CYTH3: variants seen among roughly 807,000 people sequenced by gnomAD.
CYTH3 encodes cytohesin 3.
In CYTH3, 23 loss-of-function variants were observed where a neutral mutation model predicts 55.1. The observed-to-expected ratio is 0.42, with a 90% CI of 0.30 to 0.59. The LOEUF (loss-of-function observed/expected upper bound fraction) is 0.59. Ranked by LOEUF, CYTH3 falls within the 20% of genes least tolerant of loss-of-function variation. The probability of loss-of-function intolerance (pLI) is 0.20; values close to 1 mark genes in which losing one functional copy is unlikely to be tolerated. For synonymous variants in CYTH3, 249 were observed against 194.9 expected (o/e 1.28, Z -2.31); for missense variants, 413 against 524.8 (o/e 0.79, Z 2.08).
intron 1 of CYTH3, among the ~76,000 whole-genome samples, chr7:6,232,398 C>A (rs1779409416): frequency 6.6e-6 from 1 of 152,160 alleles, no homozygotes; most frequent in African/African-American, 2.4e-5. Context: ...TTATTCTTCT[C>A]CCAACTGCTA....
chr7:6,236,026 A>G (rs932025699), intron 1 of CYTH3, among the ~76,000 whole-genome samples: 6 of 152,174 alleles, frequency 3.9e-5, no homozygotes, highest in Non-Finnish European at 5.9e-5. Context: ...GAAGTCACAC[A>G]TGCATATCCC....
chr7:6,195,295 CTATT>C (rs1368770253), intron 1 of CYTH3, among the ~76,000 whole-genome samples: 1 of 152,106 alleles, frequency 6.6e-6, no homozygotes, highest in African/African-American at 2.4e-5. Flanking sequence ...CAAAAAGACA[CTATT>C]TTCTTCAGGT....
At chr7:6,248,238 C>T (rs1470382407) in intron 1 of CYTH3, among the ~76,000 whole-genome samples, 2 of 150,076 alleles carry the variant, frequency 1.3e-5, no homozygotes, top group South Asian at 2.1e-4. Flanking sequence ...CCCCCAACCC[C>T]CCCCCAGCCA....
At position 6,170,514 on chromosome 7, in the gene CYTH3, C is replaced by T; in HGVS notation, c.823+21G>A. 3.1e-6 allele frequency: 5 copies of T among 1,610,198 alleles called. No homozygotes were observed. Among genetic ancestry groups the T allele is most frequent in the Admixed American group, 1.7e-5 (1 of 59,726 alleles). ...ATGGGCAGAGGGGTCACGCCCGGGT[C>T]CCGCTGGGCCGGCGGCTCACCCAGC... On this transcript the variant is annotated intron_variant, in intron 9 of 12. Transcript: ENST00000350796. The surrounding 1 kb of genome is among the most constrained non-coding windows in gnomAD (Gnocchi z 7.8).
chr7:6,203,600 G>C (rs1784111548), intron 1 of CYTH3, among the ~76,000 whole-genome samples: 1 of 152,186 alleles, frequency 6.6e-6, no homozygotes, highest in South Asian at 2.1e-4. Flanking sequence ...GCCTTCGATG[G>C]TGACAGCACT....
At chr7:6,236,341 C>G (rs1313203257) in intron 1 of CYTH3, among the ~76,000 whole-genome samples, 1 of 147,252 alleles carries the variant, frequency 6.8e-6, no homozygotes, top group Non-Finnish European at 1.5e-5. Flanking sequence ...GTAGCTGGGA[C>G]TACAGGCGCA....
intron 1 of CYTH3, among the ~76,000 whole-genome samples, chr7:6,204,774 G>A (rs1784145942): frequency 6.6e-6 from 1 of 152,216 alleles, no homozygotes; most frequent in East Asian, 1.9e-4. Flanking sequence ...TACTTAGAGT[G>A]CTCTATGTTT....
intron 1 of CYTH3, among the ~76,000 whole-genome samples, chr7:6,214,421 T>A (rs1784385091): frequency 6.6e-6 from 1 of 152,250 alleles, no homozygotes; most frequent in Non-Finnish European, 1.5e-5. Flanking sequence ...ATTTTGTGTA[T>A]AAGGAATGCT....
At chr7:6,172,332 T>C (rs1783222175) in intron 6 of CYTH3, among the ~76,000 whole-genome samples, 1 of 151,966 alleles carries the variant, frequency 6.6e-6, no homozygotes, top group Admixed American at 6.6e-5. Context: ...AGGCCCCTTC[T>C]TCTCCGCCAG....
intron 1 of CYTH3, among the ~76,000 whole-genome samples, chr7:6,225,417 G>A (rs1011349640): frequency 3.4e-5 from 5 of 149,166 alleles, no homozygotes; most frequent in East Asian, 2.0e-4. Context: ...GCAATGGCAC[G>A]ATCTCGGCTC....
chr7:6,268,073 C>G (rs7810779), intron 1 of CYTH3, among the ~76,000 whole-genome samples: 9,066 of 152,184 alleles, frequency 0.06, 591 homozygotes, highest in East Asian at 0.31. Context: ...CTCCTTTCAC[C>G]TTCCAGGGAA....
At position 6,185,699 on chromosome 7, in the gene CYTH3, CAA is replaced by C. The variant is rs34943703; in HGVS notation, c.249+1349_249+1350del. Among the ~76,000 whole-genome samples the C allele has an allele frequency of 5.1e-4, 65 of 127,378 alleles. 1 individual carries two copies. Among genetic ancestry groups the C allele is most frequent in the African/African-American group, 1.0e-3 (38 of 36,310 alleles). The allele number at this position is 127,378 out of a possible 152,430, so 83.6% of individuals were successfully genotyped here. ...TGGGCAACAGAGTTAGACTCTGTCTCAAAAAAAAAAAAAAAAATTATCTGGGT... is the reference window on the plus strand; with the variant it reads ...TGGGCAACAGAGTTAGACTCTGTCTCAAAAAAAAAAAAAAATTATCTGGGT... On this transcript the variant is annotated intron_variant, in intron 4 of 12. Transcript: ENST00000350796.
In CYTH3 at chr7:6,165,445, AG is replaced by A; in HGVS notation, c.973-19del. On this transcript the variant is annotated intron_variant, in intron 11 of 12. Transcript: ENST00000350796. ...AAACAGTTCTGGTGGAGAAAGAGAG[AG>A]GGGAGGCGGTCAGGGGGGCTTGGGG... 1 of 1,609,726 alleles carries A rather than the reference AG, an allele frequency of 6.2e-7. No individual in the cohort carries two copies. Among genetic ancestry groups the A allele is most frequent in the Non-Finnish European group, 8.5e-7 (1 of 1,177,200 alleles).
intron 1 of CYTH3, among the ~76,000 whole-genome samples, chr7:6,218,677 T>C (rs1288840436): frequency 6.6e-6 from 1 of 152,156 alleles, no homozygotes; most frequent in Admixed American, 6.5e-5. Flanking sequence ...AAAGCCTAGA[T>C]TGCCTTAAAC....
chr7:6,266,442 A>T (rs1780495533), intron 1 of CYTH3, among the ~76,000 whole-genome samples: 1 of 152,248 alleles, frequency 6.6e-6, no homozygotes, highest in Non-Finnish European at 1.5e-5. Context: ...AATTATTGAA[A>T]TGTAAATCAA....
chr7:6,184,215 C>T (rs1783581158), intron 4 of CYTH3, among the ~76,000 whole-genome samples: 1 of 151,886 alleles, frequency 6.6e-6, no homozygotes, highest in South Asian at 2.1e-4. Context: ...CGCCCGTCAC[C>T]ACACCCGGCT....
Position 6,272,602 on chromosome 7 carries a change from C to A in CYTH3, c.-95G>T. The stretch of plus-strand genomic sequence containing the variant: ...CGGAGGGAGCGCGCAGGCGACCGGG[C>A]GGCTCCTCAGCGCGCGGCCCGGGTC... On this transcript the variant is annotated 5_prime_UTR_variant, in exon 1 of 13. Coordinates refer to ENST00000350796, the MANE Select transcript of CYTH3 (RefSeq NM_004227.4). 4.0e-6 allele frequency: 4 copies of A among 996,106 alleles called. No homozygotes were observed. Among genetic ancestry groups the A allele is most frequent in the East Asian group, 6.1e-5 (1 of 16,262 alleles). The allele number at this position is 996,106 out of a possible 1,614,324, so 61.7% of individuals were successfully genotyped here. A position where few individuals can be genotyped will look rare whatever the true frequency, so the allele number is the denominator to read the frequency against.
At chr7:6,220,595 AC>A (rs1407357079) in intron 1 of CYTH3, among the ~76,000 whole-genome samples, 2 of 151,162 alleles carry the variant, frequency 1.3e-5, no homozygotes, top group Non-Finnish European at 2.9e-5. Flanking sequence ...AAAAAAAAAA[AC>A]CAAAGGCTGG....
chr7:6,202,924 C>T (rs1299705449), intron 1 of CYTH3, among the ~76,000 whole-genome samples: 1 of 151,996 alleles, frequency 6.6e-6, no homozygotes, highest in East Asian at 1.9e-4. Context: ...TTAAAAGAGG[C>T]ATATTTAAAA....
Sources: allele counts gnomAD v4.1 joint callset (sites outside exome capture counted in the v4.1 genomes callset), GRCh38; gene constraint gnomAD v4.1.1; non-coding constraint Gnocchi (gnomAD v3.1); transcripts MANE v1.5; gene names NCBI Gene and HGNC (gene_info 2026-07-23, HGNC 2026-07-21).